Variants in KCNU1 observed in about 807,000 individuals in gnomAD.
KCNU1 encodes the protein potassium calcium-activated channel subfamily U member 1, also known as potassium channel subfamily U member 1.
KCNU1 carries 93 observed loss-of-function variants against 126.8 expected under a neutral mutation model. The ratio of observed to expected loss-of-function variants is 0.73; its 90% CI spans 0.62 to 0.87. KCNU1 has a LOEUF of 0.87. Ranked by LOEUF, KCNU1 falls within the 40% of genes least tolerant of loss-of-function variation. KCNU1 has a pLI of 0.00. For missense variants in KCNU1, 1,330 were observed against 1,367.1 expected, an observed-to-expected ratio of 0.97 and a Z score of 0.43; for synonymous variants, 523 against 494.2, an observed-to-expected ratio of 1.06 and a Z score of -0.77.
chr8:36,868,055 G>A (rs762725042), intron 19 of KCNU1, among the ~76,000 whole-genome samples: 9 of 152,240 alleles, frequency 5.9e-5, no homozygotes, highest in Middle Eastern at 3.4e-3. Context: ...AGAAATAAAC[G>A]AGAGCCACGC....
At chr8:36,797,693 T>C (rs1803152488) in intron 2 of KCNU1, among the ~76,000 whole-genome samples, 1 of 152,236 alleles carries the variant, frequency 6.6e-6, no homozygotes, top group Non-Finnish European at 1.5e-5. Flanking sequence ...GTGGGTAGTA[T>C]ACTTTCTGAA....
At chr8:36,855,541 C>T (rs1300420882) in intron 18 of KCNU1, among the ~76,000 whole-genome samples, 1 of 152,062 alleles carries the variant, frequency 6.6e-6, no homozygotes, top group Non-Finnish European at 1.5e-5. Context: ...TGAAAGCTAT[C>T]GATGAGCTGT....
In KCNU1 at chr8:36,935,595, C is replaced by T; in HGVS notation, c.3125C>T (p.Ala1042Val). Residue 1042 changes from alanine to valine, a missense_variant, in exon 27 of 27, where the codon GCT becomes GTT. Ala to Val is a moderately conservative substitution (Grantham distance 64). Transcript: ENST00000399881. ...LVFCAIPFST[A>V]CYKRNEEFSL... Reference sequence around the variant, plus strand: ...TTTTGTGCCATACCCTTCAGCACTGCTTGTTATAAAAGGAATGAAGAGTTC... The same window carrying T: ...TTTTGTGCCATACCCTTCAGCACTGTTTGTTATAAAAGGAATGAAGAGTTC... 1 of 1,613,058 alleles carries T rather than the reference C, an allele frequency of 6.2e-7. No individual in the cohort carries two copies. The highest frequency in any genetic ancestry group is 8.5e-7 in the Non-Finnish European group (1 of 1,179,264).
chr8:36,812,393 A>AAT (rs1554500422), intron 7 of KCNU1, among the ~76,000 whole-genome samples: 6 of 151,836 alleles, frequency 4.0e-5, no homozygotes, highest in African/African-American at 1.5e-4. Context: ...AAAAAAAAAA[A>AAT]AAAAGTAGTG....
At chr8:36,859,955 T>A (rs1202096750) in intron 18 of KCNU1, among the ~76,000 whole-genome samples, 5 of 152,240 alleles carry the variant, frequency 3.3e-5, no homozygotes, top group Non-Finnish European at 5.9e-5. Flanking sequence ...TGATAATTAT[T>A]ATGCCACCCA....
intron 24 of KCNU1, among the ~76,000 whole-genome samples, chr8:36,929,855 A>T (rs543564274): frequency 6.6e-6 from 1 of 152,042 alleles, no homozygotes; most frequent in Non-Finnish European, 1.5e-5. Flanking sequence ...TCACGATCTG[A>T]TTTGTGTTTC....
At chr8:36,828,095 A>G (rs944456824) in intron 10 of KCNU1, among the ~76,000 whole-genome samples, 10 of 151,888 alleles carry the variant, frequency 6.6e-5, no homozygotes, top group South Asian at 6.2e-4. Flanking sequence ...ATTATATTAA[A>G]TCACTTCTTG....
At chr8:36,848,244 T>G (rs1384666575) in intron 18 of KCNU1, among the ~76,000 whole-genome samples, 1 of 152,252 alleles carries the variant, frequency 6.6e-6, no homozygotes, top group Non-Finnish European at 1.5e-5. Flanking sequence ...ATTCTACAGA[T>G]GTCTCTTCCG....
intron 18 of KCNU1, among the ~76,000 whole-genome samples, chr8:36,852,057 C>G (rs1210894834): frequency 6.6e-6 from 1 of 152,006 alleles, no homozygotes; most frequent in African/African-American, 2.4e-5. Flanking sequence ...CTGTTCTATT[C>G]CTATATTGTC....
At chr8:36,809,818 A>T (rs1022397456) in intron 7 of KCNU1, among the ~76,000 whole-genome samples, 1 of 152,284 alleles carries the variant, frequency 6.6e-6, no homozygotes, top group African/African-American at 2.4e-5. Flanking sequence ...TGTTTCAATG[A>T]GGGGCTCAAA....
At chr8:36,896,214 T>C (rs1252538132) in intron 19 of KCNU1, among the ~76,000 whole-genome samples, 1 of 152,004 alleles carries the variant, frequency 6.6e-6, no homozygotes, top group African/African-American at 2.4e-5. Context: ...TTCTTTCTTG[T>C]TATGTAAGTA....
Position 36,817,737 on chromosome 8 carries a change from C to A in KCNU1, c.1083C>A (p.Asn361Lys). 6.2e-7 allele frequency: 1 copy of A among 1,603,348 alleles called. No homozygotes were observed. The highest frequency in any genetic ancestry group is 8.5e-7 in the Non-Finnish European group (1 of 1,170,258). Residue 361 changes from asparagine (N) to lysine (K), a missense_variant, in exon 10 of 27, where the codon AAC (asparagine) becomes AAA (lysine). Physicochemically the swap from Asn to Lys is moderately conservative, Grantham distance 94. Transcript: ENST00000399881. ...NFLRDKSGEI[N>K]TEIVFLGETP... is the part of the protein sequence containing the mutation. ...TCCGCGACAAGTCAGGAGAGATCAACACTGAAATTGTTTTCCTGGGAGAGT... is the reference window on the plus strand; with the variant it reads ...TCCGCGACAAGTCAGGAGAGATCAAAACTGAAATTGTTTTCCTGGGAGAGT...
intron 24 of KCNU1, among the ~76,000 whole-genome samples, chr8:36,928,489 A>G (rs1386419113): frequency 1.3e-5 from 2 of 152,130 alleles, no homozygotes; most frequent in Non-Finnish European, 2.9e-5. Flanking sequence ...GATGTAACAA[A>G]GAAGAAACAT....
intron 19 of KCNU1, among the ~76,000 whole-genome samples, chr8:36,897,948 T>C (rs1260730154): frequency 2.0e-5 from 3 of 152,146 alleles, no homozygotes; most frequent in African/African-American, 4.8e-5. Flanking sequence ...TCTCCATTGC[T>C]TCTTGATAGG....
chr8:36,887,415 A>AT (rs1370232660), intron 19 of KCNU1, among the ~76,000 whole-genome samples: 2 of 104,486 alleles, frequency 1.9e-5, no homozygotes, highest in African/African-American at 7.3e-5. Context: ...AACGTTGAGC[A>AT]TTTTTTCACA....
intron 19 of KCNU1, among the ~76,000 whole-genome samples, chr8:36,897,329 A>G (rs919011625): frequency 1.3e-5 from 2 of 151,558 alleles, no homozygotes; most frequent in African/African-American, 4.9e-5. Flanking sequence ...TTCTCTGTCT[A>G]TCTTTTTTCT....
chr8:36,815,519 C>T, intron 8 of KCNU1, 77 bp from the exon 9 acceptor site: 1 of 690,960 alleles, frequency 1.4e-6, no homozygotes, highest in Non-Finnish European at 2.4e-6. Flanking sequence ...CCCTCCTTTT[C>T]CTTTCTAATC....
intron 18 of KCNU1, among the ~76,000 whole-genome samples, chr8:36,851,343 G>A (rs762895313): frequency 1.6e-4 from 24 of 150,996 alleles, no homozygotes; most frequent in Non-Finnish European, 3.1e-4. Flanking sequence ...GTTCTCACAA[G>A]TTCTGATGGT....
intron 10 of KCNU1, among the ~76,000 whole-genome samples, chr8:36,825,796 G>A (rs544309837): frequency 6.6e-6 from 1 of 151,634 alleles, no homozygotes; most frequent in East Asian, 1.9e-4. Flanking sequence ...TTCATTGAAG[G>A]ACAATTTCAC....
Sources: gnomAD v4.1 joint callset for allele counts (sites outside exome capture counted in the v4.1 genomes callset) on GRCh38, gnomAD v4.1.1 for gene constraint, MANE v1.5 for transcripts, NCBI Gene and HGNC (gene_info 2026-07-23, HGNC 2026-07-21) for gene names.